The following ARHGAP15 variants were observed in gnomAD, a reference collection of about 807,000 sequenced individuals.
ARHGAP15 encodes the protein rho GTPase-activating protein 15.
A neutral mutation model predicts 63.7 loss-of-function variants in ARHGAP15; 51 were observed. The ratio of observed to expected loss-of-function variants is 0.80; its 90% CI spans 0.64 to 1.01. The LOEUF (loss-of-function observed/expected upper bound fraction) is 1.01. Ranked by LOEUF, ARHGAP15 falls within the 50% of genes least tolerant of loss-of-function variation. The pLI is 0.00. For missense variants in ARHGAP15, 560 were observed against 564.6 expected, an observed-to-expected ratio of 0.99 and a Z score of 0.08; for synonymous variants, 191 against 193.8, an observed-to-expected ratio of 0.99 and a Z score of 0.12.
chr2:143,741,488 CAT>C (rs1397499420), intron 13 of ARHGAP15, among the ~76,000 whole-genome samples: 1 of 152,142 alleles, frequency 6.6e-6, no homozygotes, highest in Non-Finnish European at 1.5e-5. Context: ...AAGAAGGAAG[CAT>C]ATGTTTTAAC....
At chr2:143,526,370 G>A (rs1465567697) in intron 10 of ARHGAP15, among the ~76,000 whole-genome samples, 1 of 151,466 alleles carries the variant, frequency 6.6e-6, no homozygotes, top group African/African-American at 2.5e-5. Flanking sequence ...CCCAGATACA[G>A]CCTGAGTCTA....
chr2:143,723,352 G>C (rs2105468046), intron 13 of ARHGAP15, among the ~76,000 whole-genome samples: 1 of 152,282 alleles, frequency 6.6e-6, no homozygotes, highest in South Asian at 2.1e-4. Context: ...GGAGGAGGCT[G>C]GGGCTGAAGG....
chr2:143,731,258 C>A (rs1320588152), intron 13 of ARHGAP15, among the ~76,000 whole-genome samples: 1 of 152,164 alleles, frequency 6.6e-6, no homozygotes, highest in Admixed American at 6.5e-5. Context: ...TGAGCTCCAA[C>A]TGACTAATTA....
chr2:143,462,574 C>T (rs546593114), intron 8 of ARHGAP15, among the ~76,000 whole-genome samples: 10 of 152,280 alleles, frequency 6.6e-5, no homozygotes, highest in African/African-American at 1.9e-4. Flanking sequence ...AATAGATGAG[C>T]GTCCTTCTCC....
chr2:143,362,348 G>A (rs1231414426), intron 6 of ARHGAP15, among the ~76,000 whole-genome samples: 4 of 152,168 alleles, frequency 2.6e-5, no homozygotes, highest in Non-Finnish European at 4.4e-5. Context: ...GCACAGTTGT[G>A]CTCTGTCCTA....
At chr2:143,131,997 TAA>T (rs548327603) in intron 1 of ARHGAP15, among the ~76,000 whole-genome samples, 8 of 144,058 alleles carry the variant, frequency 5.6e-5, no homozygotes, top group African/African-American at 1.0e-4. Context: ...TTGCAGCAGG[TAA>T]AAAAAAAAAA....
intron 12 of ARHGAP15, among the ~76,000 whole-genome samples, chr2:143,696,725 C>CA (rs1441938998): frequency 6.6e-6 from 1 of 152,130 alleles, no homozygotes; most frequent in Non-Finnish European, 1.5e-5. Flanking sequence ...TTCAAAAAAA[C>CA]AGCCAAAACA....
At chr2:143,153,491 C>G (rs1452526952) in intron 1 of ARHGAP15, among the ~76,000 whole-genome samples, 1 of 151,850 alleles carries the variant, frequency 6.6e-6, no homozygotes, top group African/African-American at 2.4e-5. Context: ...ATTGGCTAAG[C>G]AATTGCTAAA....
intron 11 of ARHGAP15, among the ~76,000 whole-genome samples, chr2:143,575,376 C>T (rs1038222150): frequency 6.6e-6 from 1 of 152,124 alleles, no homozygotes; most frequent in Non-Finnish European, 1.5e-5. Flanking sequence ...ATGAAACGTC[C>T]AGCTGTCCTT....
chr2:143,739,398 G>A (rs1298951889), intron 13 of ARHGAP15, among the ~76,000 whole-genome samples: 1 of 152,092 alleles, frequency 6.6e-6, no homozygotes, highest in African/African-American at 2.4e-5. Context: ...GCTCAGTCCT[G>A]CTGCATCCTG....
intron 11 of ARHGAP15, among the ~76,000 whole-genome samples, chr2:143,595,592 G>T (rs746600297): frequency 6.6e-5 from 10 of 152,026 alleles, no homozygotes; most frequent in Non-Finnish European, 1.2e-4. Flanking sequence ...TACCCTCAGA[G>T]CCTAGTACTA....
intron 2 of ARHGAP15, among the ~76,000 whole-genome samples, chr2:143,167,618 G>T (rs574818174): frequency 6.6e-6 from 1 of 152,082 alleles, no homozygotes; most frequent in Non-Finnish European, 1.5e-5. Context: ...TGTTCCCCAA[G>T]GTCACCAACA....
intron 10 of ARHGAP15, among the ~76,000 whole-genome samples, chr2:143,536,523 CT>C (rs1694772227): frequency 7.7e-6 from 1 of 129,186 alleles, no homozygotes; most frequent in African/African-American, 2.9e-5. Context: ...TCCCTCCCCC[CT>C]CCCCCCACCC....
intron 8 of ARHGAP15, among the ~76,000 whole-genome samples, chr2:143,477,957 C>T (rs1377608007): frequency 1.3e-5 from 2 of 152,158 alleles, no homozygotes; most frequent in Non-Finnish European, 2.9e-5. Context: ...TTCACTTACA[C>T]TGTTGTGGGC....
intron 6 of ARHGAP15, among the ~76,000 whole-genome samples, chr2:143,274,335 T>G (rs1196385341): frequency 6.6e-6 from 1 of 152,220 alleles, no homozygotes; most frequent in Non-Finnish European, 1.5e-5. Flanking sequence ...CCAAAGCTCT[T>G]CATTAATTTT....
intron 6 of ARHGAP15, among the ~76,000 whole-genome samples, chr2:143,262,227 C>A (rs1444627615): frequency 2.0e-5 from 3 of 152,256 alleles, no homozygotes; most frequent in Non-Finnish European, 4.4e-5. Context: ...GCATCTGATG[C>A]AATTTACCGC....
rs558225511 is a variant in ARHGAP15 at position 143,244,786 on chromosome 2, T to C, written c.385-5725T>C. Among the ~76,000 whole-genome samples, 273 of 152,320 alleles carry C rather than the reference T, an allele frequency of 1.8e-3. 3 individuals are homozygous for C. Among genetic ancestry groups the C allele is most frequent in the South Asian group, 5.0e-3 (24 of 4,824 alleles). On this transcript the variant is annotated intron_variant, in intron 5 of 13. Coordinates refer to ENST00000295095, the MANE Select transcript of ARHGAP15 (RefSeq NM_018460.4). ...ACAGAGAATGAATTGCAAGGGTTTT[T>C]GACTGGCCACAGAGGCAAGAGGTAG... is the stretch of plus-strand genomic sequence containing the variant.
chr2:143,649,711 C>T (rs1276125361), intron 12 of ARHGAP15, among the ~76,000 whole-genome samples: 1 of 151,848 alleles, frequency 6.6e-6, no homozygotes, highest in East Asian at 1.9e-4. Flanking sequence ...AGGAAGGTAT[C>T]GAACAAATGT....
intron 6 of ARHGAP15, among the ~76,000 whole-genome samples, chr2:143,399,265 T>A (rs1250938879): frequency 6.7e-6 from 1 of 149,024 alleles, no homozygotes; most frequent in Non-Finnish European, 1.5e-5. Flanking sequence ...AATTATTACT[T>A]TTTTTTTTAT....
Sources: gnomAD v4.1 joint callset for allele counts (sites outside exome capture counted in the v4.1 genomes callset) on GRCh38, gnomAD v4.1.1 for gene constraint, MANE v1.5 for transcripts, NCBI Gene and HGNC (gene_info 2026-07-23, HGNC 2026-07-21) for gene names.